The following DLG2 variants were observed in gnomAD, a reference collection of about 807,000 sequenced individuals.
The protein encoded by DLG2 is disks large homolog 2.
Under a neutral mutation model 132.5 loss-of-function variants are expected in DLG2, and 45 were observed. The observed-to-expected ratio is 0.34, with a 90% confidence interval of 0.27 to 0.44. DLG2 has a LOEUF of 0.44. Ranked by LOEUF, DLG2 falls within the 20% of genes least tolerant of loss-of-function variation. The pLI, the probability that DLG2 is intolerant of heterozygous loss-of-function variation, is 1.00. For missense variants in DLG2, 1,045 were observed against 1,196.9 expected, an observed-to-expected ratio of 0.87 and a Z score of 1.87; for synonymous variants, 424 against 419.6, an observed-to-expected ratio of 1.01 and a Z score of -0.13.
At chr11:84,442,503 G>A (rs1011947379) in intron 7 of DLG2, among the ~76,000 whole-genome samples, 1 of 152,028 alleles carries the variant, frequency 6.6e-6, no homozygotes, top group Admixed American at 6.6e-5. Context: ...CCAGGGAGGG[G>A]AACATCACAC....
chr11:85,059,411 AG>A (rs1260571618), intron 6 of DLG2, among the ~76,000 whole-genome samples: 1 of 151,600 alleles, frequency 6.6e-6, no homozygotes, highest in Non-Finnish European at 1.5e-5. Flanking sequence ...TTGTACTACC[AG>A]TTGAATAAAT....
intron 6 of DLG2, among the ~76,000 whole-genome samples, chr11:84,748,051 G>T (rs1305930988): frequency 2.0e-5 from 3 of 152,164 alleles, no homozygotes; most frequent in Non-Finnish European, 4.4e-5. Flanking sequence ...TCTGCAACCA[G>T]TTTCCTGTGG....
intron 3 of DLG2, among the ~76,000 whole-genome samples, chr11:85,583,644 T>G (rs2078771463): frequency 6.6e-6 from 1 of 152,162 alleles, no homozygotes; most frequent in Non-Finnish European, 1.5e-5. Flanking sequence ...CCCTTATAGA[T>G]GAATACTCCT....
At chr11:85,217,318 TCACACACACACACA>T in intron 4 of DLG2, among the ~76,000 whole-genome samples, 1 of 144,036 alleles carries the variant, frequency 6.9e-6, no homozygotes, top group East Asian at 2.1e-4. Flanking sequence ...TCTCTCTCTC[TCACACACACACACA>T]CACACACACA....
intron 6 of DLG2, among the ~76,000 whole-genome samples, chr11:84,598,103 G>A (rs190835988): frequency 6.6e-6 from 1 of 152,148 alleles, no homozygotes; most frequent in African/African-American, 2.4e-5. Context: ...CTAAGATAAG[G>A]TTTGGGGAGT....
chr11:83,870,258 T>TA (rs1428883188), intron 16 of DLG2, among the ~76,000 whole-genome samples: 1 of 152,206 alleles, frequency 6.6e-6, no homozygotes, highest in Non-Finnish European at 1.5e-5. Flanking sequence ...ACCCACCAAG[T>TA]AATTTCGCAC....
intron 6 of DLG2, among the ~76,000 whole-genome samples, chr11:84,793,737 G>A (rs529185344): frequency 4.0e-5 from 6 of 151,578 alleles, no homozygotes; most frequent in Admixed American, 1.3e-4. Flanking sequence ...CTCTTTTTTT[G>A]GTTTCCATTA....
intron 26 of DLG2, among the ~76,000 whole-genome samples, chr11:83,464,361 G>A (rs992311901): frequency 5.9e-5 from 9 of 152,234 alleles, no homozygotes; most frequent in African/African-American, 1.7e-4. Flanking sequence ...AAATGTGACA[G>A]CTGTCATGCT....
rs549860651 is a variant in DLG2, at chr11:85,064,972, C to T, written c.357+46689G>A. Among the ~76,000 whole-genome samples the T allele has an allele frequency of 2.6e-5, 4 of 151,124 alleles. No individual in the cohort carries two copies. The South Asian group carries it at 8.3e-4, about 32-fold the overall frequency. On this transcript the variant is annotated intron_variant, in intron 6 of 27. Coordinates refer to ENST00000376104, the MANE Select transcript of DLG2 (RefSeq NM_001142699.3). ...AAAAATATTTTTATGTATAAAGTACCGATATAGGTACTTTACATAAAGAGA... is the reference window on the plus strand; with the variant it reads ...AAAAATATTTTTATGTATAAAGTACTGATATAGGTACTTTACATAAAGAGA...
At chr11:84,692,135 C>T (rs2058114811) in intron 6 of DLG2, among the ~76,000 whole-genome samples, 1 of 151,550 alleles carries the variant, frequency 6.6e-6, no homozygotes. Context: ...TGTGTAGGCG[C>T]GCGACAGATG....
At chr11:83,648,032 C>T (rs2153507189) in intron 18 of DLG2, 1 of 152,224 alleles carries the variant, frequency 6.6e-6, no homozygotes, top group Non-Finnish European at 1.5e-5. Flanking sequence ...TTAAAGCTTT[C>T]CTACCTTTCC....
At chr11:84,861,636 AAAAC>A (rs1473626715) in intron 6 of DLG2, among the ~76,000 whole-genome samples, 851 of 70,564 alleles carry the variant, frequency 0.012, 124 homozygotes, top group African/African-American at 0.043. Flanking sequence ...AAAAAAAAAA[AAAAC>A]AAAAAAAAAA....
chr11:83,570,061 A>G (rs140689577), intron 19 of DLG2, among the ~76,000 whole-genome samples: 3 of 152,342 alleles, frequency 2.0e-5, no homozygotes, highest in African/African-American at 7.2e-5. Context: ...TCATGCACTT[A>G]GCAGTGTCTG....
At chr11:83,614,176 T>C (rs1004099067) in intron 19 of DLG2, among the ~76,000 whole-genome samples, 7 of 152,176 alleles carry the variant, frequency 4.6e-5, no homozygotes, top group African/African-American at 1.4e-4. Flanking sequence ...TCTTTTATTA[T>C]TGGTCCCTCC....
chr11:84,987,235 A>G (rs1240103245), intron 6 of DLG2, among the ~76,000 whole-genome samples: 4 of 152,160 alleles, frequency 2.6e-5, no homozygotes, highest in Non-Finnish European at 5.9e-5. Context: ...AAGATAAACT[A>G]CAAAACACTG....
At position 84,135,525 on chromosome 11, in the gene DLG2, T is replaced by C. The variant is rs79715813; in HGVS notation, c.624+27936A>G. 1.4e-3 allele frequency among the ~76,000 whole-genome samples: 206 copies of C among 152,152 alleles called. 5 individuals carry two copies. The East Asian group carries it at 0.028, about 21-fold the overall frequency. ...TAAGGATTATGTCAGGGAAGGATCC[T>C]AGAAGGACATAATATCAAGTTCACA... On this transcript the variant is annotated intron_variant, in intron 9 of 27. Coordinates refer to ENST00000376104, the MANE Select transcript of DLG2 (RefSeq NM_001142699.3).
intron 6 of DLG2, among the ~76,000 whole-genome samples, chr11:84,698,238 C>CT (rs11375225): frequency 0.33 from 50,504 of 151,174 alleles, 8,797 homozygotes; most frequent in East Asian, 0.63. Flanking sequence ...CTGATCCGAA[C>CT]TTTAAATTCA....
intron 7 of DLG2, among the ~76,000 whole-genome samples, chr11:84,382,205 T>A (rs2098751139): frequency 6.6e-6 from 1 of 152,158 alleles, no homozygotes; most frequent in Non-Finnish European, 1.5e-5. Flanking sequence ...TGGATTAATG[T>A]CTACAGTGGT....
At chr11:83,651,393 T>G (rs1190913115) in intron 18 of DLG2, among the ~76,000 whole-genome samples, 1 of 152,178 alleles carries the variant, frequency 6.6e-6, no homozygotes, top group Non-Finnish European at 1.5e-5. Context: ...CTGTACAAAG[T>G]AGGGGTCTAG....
Sources: gnomAD v4.1 joint callset for allele counts (sites outside exome capture counted in the v4.1 genomes callset) on GRCh38, gnomAD v4.1.1 for gene constraint, MANE v1.5 for transcripts, NCBI Gene and HGNC (gene_info 2026-07-23, HGNC 2026-07-21) for gene names.